Variants in MYO5A observed in about 807,000 individuals in gnomAD.
The protein encoded by MYO5A is myosin VA, also known as unconventional myosin-Va.
Under a neutral mutation model 249.7 loss-of-function variants are expected in MYO5A, and 98 were observed. That is an observed-to-expected ratio of 0.39 (90% CI 0.33 to 0.46). The LOEUF (loss-of-function observed/expected upper bound fraction) is 0.46. MYO5A is among the 20% of genes least tolerant of loss of function. The pLI is 0.98. For missense variants in MYO5A, 1,696 were observed against 2,308.8 expected (o/e 0.73, Z 5.44); for synonymous variants, 778 against 810.6 (o/e 0.96, Z 0.68).
chr15:52,471,979 A>C (rs978065114), intron 1 of MYO5A, among the ~76,000 whole-genome samples: 1 of 151,910 alleles, frequency 6.6e-6, no homozygotes, highest in Non-Finnish European at 1.5e-5. Flanking sequence ...GATTACAGGC[A>C]TGAGCCACTG....
At chr15:52,491,395 T>C (rs1384071609) in intron 1 of MYO5A, among the ~76,000 whole-genome samples, 1 of 152,232 alleles carries the variant, frequency 6.6e-6, no homozygotes, top group Non-Finnish European at 1.5e-5. Flanking sequence ...TTTCTATTAA[T>C]ATTTTGTTTT....
chr15:52,335,221 C>T (rs2039057130), intron 34 of MYO5A, among the ~76,000 whole-genome samples: 1 of 152,124 alleles, frequency 6.6e-6, no homozygotes. Context: ...TTGAAATAAG[C>T]TTAAAATTTG....
chr15:52,398,714 C>G (rs1044346372), intron 9 of MYO5A, among the ~76,000 whole-genome samples: 1 of 152,148 alleles, frequency 6.6e-6, no homozygotes, highest in Non-Finnish European at 1.5e-5. Context: ...TCAGGCTGGG[C>G]GTGGTGGCTC....
At position 52,476,530 on chromosome 15, in the gene MYO5A, C is replaced by A. The variant is rs146837310; in HGVS notation, c.28-43245G>T. Among the ~76,000 whole-genome samples the A allele has an allele frequency of 9.3e-4, 142 of 152,300 alleles. 3 individuals carry two copies. The East Asian group carries it at 0.02, about 22-fold the overall frequency. ...TGGCATGTTTTTGCAGTGGCTGGTA[C>A]TGGTTGTTCCTTTCCATGTTTAATG... On this transcript the variant is annotated intron_variant, in intron 1 of 41. Coordinates refer to ENST00000399233, the MANE Select transcript of MYO5A (RefSeq NM_001382347.1).
intron 27 of MYO5A, among the ~76,000 whole-genome samples, chr15:52,352,640 G>A (rs189722391): frequency 3.3e-5 from 5 of 152,072 alleles, no homozygotes; most frequent in African/African-American, 7.2e-5. Context: ...AAAATCAGCC[G>A]GGCGTGGTGG....
At chr15:52,379,597 A>G (rs1461752069) in intron 18 of MYO5A, 28 bp downstream of exon 18, 1 of 1,596,662 alleles carries the variant, frequency 6.3e-7, no homozygotes, top group Non-Finnish European at 8.6e-7. Context: ...CCTTCTGCTC[A>G]GATGACGGTA....
chr15:52,315,141 T>G (rs1367423752), intron 40 of MYO5A, among the ~76,000 whole-genome samples: 1 of 152,242 alleles, frequency 6.6e-6, no homozygotes. Flanking sequence ...ACTGCAGGTC[T>G]GCCTCACTCT....
intron 1 of MYO5A, among the ~76,000 whole-genome samples, chr15:52,464,707 C>A (rs184315165): frequency 6.6e-6 from 1 of 152,162 alleles, no homozygotes; most frequent in East Asian, 1.9e-4. Context: ...CCTCATGTGC[C>A]ATGGTAGGCA....
intron 1 of MYO5A, among the ~76,000 whole-genome samples, chr15:52,497,409 T>TTAAA (rs2077059141): frequency 4.4e-5 from 5 of 112,462 alleles, no homozygotes; most frequent in South Asian, 6.8e-4. Flanking sequence ...CTGAAATAGC[T>TTAAA]TAAATAAATA....
rs2041618430 is a variant in MYO5A at position 52,379,474 on chromosome 15, C to T, written c.2208+151G>A. 3.3e-5 allele frequency: 24 copies of T among 726,654 alleles called. No individual in the cohort carries two copies. In the South Asian group the frequency reaches 3.4e-4, roughly 10 times the overall value. The allele number at this position is 726,654 out of a possible 1,614,324, so 45.0% of individuals were successfully genotyped here. On this transcript the variant is annotated intron_variant, in intron 18 of 41. Transcript: ENST00000399233. ...CGGTGGACTATCATCCTCGCTAGTTCCAGCATCCTAAACACAGTAGTGTGC... is the reference window on the plus strand; with the variant it reads ...CGGTGGACTATCATCCTCGCTAGTTTCAGCATCCTAAACACAGTAGTGTGC...
chr15:52,376,093 A>G (rs970887279), intron 19 of MYO5A, among the ~76,000 whole-genome samples: 1 of 152,266 alleles, frequency 6.6e-6, no homozygotes, highest in African/African-American at 2.4e-5. Context: ...CAAGCCCAAT[A>G]TAAAAGTATC....
At chr15:52,492,008 T>C (rs1001407) in intron 1 of MYO5A, among the ~76,000 whole-genome samples, 113,026 of 152,158 alleles carry the variant, frequency 0.74, 43,454 homozygotes, top group Non-Finnish European at 0.83. Flanking sequence ...TAGAACAAAG[T>C]AGACAAAAAG....
chr15:52,341,209 C>T (rs1182239430), intron 31 of MYO5A, among the ~76,000 whole-genome samples: 1 of 152,148 alleles, frequency 6.6e-6, no homozygotes, highest in African/African-American at 2.4e-5. Context: ...TTCTGAAAGA[C>T]AGAAAGGCTG....
chr15:52,443,901 T>C (rs1421632726), intron 1 of MYO5A, among the ~76,000 whole-genome samples: 3 of 151,840 alleles, frequency 2.0e-5, no homozygotes, highest in Non-Finnish European at 4.4e-5. Flanking sequence ...AAGAATTGCT[T>C]GAACCTGAGA....
At chr15:52,332,922 G>A (rs1269395113) in intron 34 of MYO5A, among the ~76,000 whole-genome samples, 3 of 152,148 alleles carry the variant, frequency 2.0e-5, no homozygotes, top group Non-Finnish European at 2.9e-5. Context: ...CCGAGATCAC[G>A]CCACTGCACT....
chr15:52,485,454 C>T (rs1387881947), intron 1 of MYO5A, among the ~76,000 whole-genome samples: 3 of 152,124 alleles, frequency 2.0e-5, no homozygotes, highest in Non-Finnish European at 2.9e-5. Flanking sequence ...TTGATCTCTG[C>T]ACGAGACCTC....
At chr15:52,501,335 C>A (rs1378488602) in intron 1 of MYO5A, among the ~76,000 whole-genome samples, 8 of 152,118 alleles carry the variant, frequency 5.3e-5, no homozygotes, top group Non-Finnish European at 1.0e-4. Context: ...TGTGGTGTCT[C>A]ATGCCTGTTA....
intron 1 of MYO5A, among the ~76,000 whole-genome samples, chr15:52,491,549 T>C (rs1384911892): frequency 6.6e-6 from 1 of 152,208 alleles, no homozygotes; most frequent in African/African-American, 2.4e-5. Context: ...GAAAAGCAAG[T>C]AATGAACACT....
intron 11 of MYO5A, among the ~76,000 whole-genome samples, chr15:52,394,571 G>A (rs911561251): frequency 6.6e-6 from 1 of 152,160 alleles, no homozygotes; most frequent in Admixed American, 6.5e-5. Flanking sequence ...GTGCAGAATC[G>A]AAGATGCAGA....
Sources: allele counts gnomAD v4.1 joint callset (sites outside exome capture counted in the v4.1 genomes callset), GRCh38; gene constraint gnomAD v4.1.1; transcripts MANE v1.5; gene names NCBI Gene and HGNC (gene_info 2026-07-23, HGNC 2026-07-21).